The following MIIP variants were observed in gnomAD, a reference collection of about 807,000 sequenced individuals.
The protein encoded by MIIP is migration and invasion-inhibitory protein.
MIIP carries 44 observed loss-of-function variants against 44.8 expected under a neutral mutation model. The ratio of observed to expected loss-of-function variants is 0.98; its 90% CI spans 0.77 to 1.26. The LOEUF is 1.26. Ranked by LOEUF, MIIP falls within the 50% of genes most tolerant of loss-of-function variation. The pLI is 0.00. For missense variants in MIIP, 496 were observed against 511.7 expected (o/e 0.97, Z 0.30); for synonymous variants, 225 against 218.3 (o/e 1.03, Z -0.27).
Position 12,030,958 on chromosome 1 carries a change from G to A in MIIP, c.943-308G>A, listed in dbSNP as rs114755998. On this transcript the variant is annotated intron_variant, in intron 8 of 9. Transcript: ENST00000235332. ...AGCGCCATCCTCAGGGATGTTGGTGGTGAGGTGGGGCTGTTGAGTGAAGCA... is the reference window on the plus strand; with the variant it reads ...AGCGCCATCCTCAGGGATGTTGGTGATGAGGTGGGGCTGTTGAGTGAAGCA... Among the ~76,000 whole-genome samples, 1,412 of 152,202 alleles carry A rather than the reference G, an allele frequency of 9.3e-3. 25 individuals are homozygous for A. The highest frequency in any genetic ancestry group is 0.032 in the African/African-American group (1,320 of 41,516).
chr1:12,030,337 G>C (rs1232384171), intron 8 of MIIP, among the ~76,000 whole-genome samples: 1 of 152,146 alleles, frequency 6.6e-6, no homozygotes, highest in African/African-American at 2.4e-5. Flanking sequence ...AGGGTGATCT[G>C]CCTGCAGGCT....
chr1:12,021,899 C>A, intron 2 of MIIP, 59 bp downstream of exon 2: 1 of 1,426,604 alleles, frequency 7.0e-7, no homozygotes, highest in South Asian at 1.3e-5. Flanking sequence ...AGGCCAGCAT[C>A]CAGGCTTCTG....
chr1:12,019,765 C>G lies in MIIP; in HGVS notation c.-83+213C>G, dbSNP rs6690995. ...GCGTCGCTTTCCCGGTGTCTCCGCT[C>G]AGCTTTTCCCTTTCCAAAGCGCGGC... is the stretch of plus-strand genomic sequence containing the variant. On this transcript the variant is annotated intron_variant, in intron 1 of 9. Transcript: ENST00000235332. Among the ~76,000 whole-genome samples, 671 of 152,400 alleles carry G rather than the reference C, an allele frequency of 4.4e-3. 5 individuals carry two copies. Among genetic ancestry groups the G allele is most frequent in the Middle Eastern group, 0.01 (3 of 294 alleles).
chr1:12,029,677 G>A, intron 6 of MIIP, 88 bp from the exon 7 acceptor site: 1 of 1,526,210 alleles, frequency 6.6e-7, no homozygotes, highest in Non-Finnish European at 8.9e-7. Context: ...GGCAGCTTGT[G>A]TGGTTGGGGG....
At chr1:12,025,028 C>CTTTTTTTTT (rs147513513) in intron 4 of MIIP, among the ~76,000 whole-genome samples, 42 of 123,866 alleles carry the variant, frequency 3.4e-4, no homozygotes, top group Non-Finnish European at 3.8e-4. Flanking sequence ...AATTCCCTTC[C>CTTTTTTTTT]TTTTTTTTTT....
chr1:12,026,200 G>C (rs1429089923), intron 4 of MIIP, among the ~76,000 whole-genome samples: 1 of 152,122 alleles, frequency 6.6e-6, no homozygotes, highest in African/African-American at 2.4e-5. Flanking sequence ...AGCTACTCAG[G>C]ACGCTGAGGC....
Position 12,031,930 on chromosome 1 carries a change from A to G in MIIP, c.*122A>G. The G allele has an allele frequency of 5.1e-6, 5 of 988,108 alleles. No individual in the cohort carries two copies. The highest frequency in any genetic ancestry group is 1.6e-5 in the South Asian group (1 of 63,742). The allele number at this position is 988,108 out of a possible 1,614,324, so 61.2% of individuals were successfully genotyped here. On this transcript the variant is annotated 3_prime_UTR_variant, in exon 10 of 10. Coordinates refer to ENST00000235332, the MANE Select transcript of MIIP (RefSeq NM_021933.4). ...CAGGCCCAGCTGTCCTAGGTTGGGC[A>G]GGTGGGTGGACCCAAGCTTGTCTGC...
chr1:12,023,528 C>G (rs1032437695), intron 4 of MIIP, among the ~76,000 whole-genome samples: 3 of 151,616 alleles, frequency 2.0e-5, no homozygotes, highest in Non-Finnish European at 2.9e-5. Flanking sequence ...CTCAGCCTCC[C>G]GAGTAGCTGG....
intron 2 of MIIP, 118 bp downstream of exon 2, chr1:12,021,958 G>A: frequency 8.1e-7 from 1 of 1,240,680 alleles, no homozygotes; most frequent in South Asian, 1.4e-5. Context: ...GGACATTGAG[G>A]GCTGGGGAGG....
Position 12,029,760 on chromosome 1 carries a change from C to A in MIIP, c.716-5C>A. On this transcript the variant is annotated splice_polypyrimidine_tract_variant and splice_region_variant and intron_variant, in intron 6 of 9. Coordinates refer to ENST00000235332, the MANE Select transcript of MIIP (RefSeq NM_021933.4). Reference sequence around the variant, plus strand: ...GAGAGCTGTGGCTTCTCATGGGCCTCGCAGGCGTGTACTGTTACCGTGTCA... The same window carrying A: ...GAGAGCTGTGGCTTCTCATGGGCCTAGCAGGCGTGTACTGTTACCGTGTCA... 6.2e-7 allele frequency: 1 copy of A among 1,607,908 alleles called. No individual in the cohort carries two copies. The highest frequency in any genetic ancestry group is 8.5e-7 in the Non-Finnish European group (1 of 1,175,482).
intron 8 of MIIP, among the ~76,000 whole-genome samples, chr1:12,030,349 G>T (rs1050501875): frequency 6.6e-6 from 1 of 152,096 alleles, no homozygotes; most frequent in Non-Finnish European, 1.5e-5. Flanking sequence ...CTGCAGGCTG[G>T]CATGACATGA....
chr1:12,021,739 G>A lies in MIIP; in HGVS notation c.13G>A (p.Glu5Lys), dbSNP rs748834145. Residue 5 changes from glutamate (E) to lysine (K), a missense_variant, in exon 2 of 10, where the codon GAG becomes AAG. Physicochemically the swap from Glu to Lys is moderately conservative, Grantham distance 56 (BLOSUM62 1). Coordinates refer to ENST00000235332, the MANE Select transcript of MIIP (RefSeq NM_021933.4). ...AGAGAGGCCCAGGATGGTGGAGGCT[G>A]AGGAACTGGCACAGCTGCGGCTGCT... MVEA[E>K]ELAQLRLLNL... 1.2e-6 allele frequency: 2 copies of A among 1,612,624 alleles called. No homozygotes were observed. The highest frequency in any genetic ancestry group is 2.2e-5 in the East Asian group (1 of 44,866).
chr1:12,021,348 T>G (rs1384316659), intron 1 of MIIP, among the ~76,000 whole-genome samples: 1 of 149,436 alleles, frequency 6.7e-6, no homozygotes, highest in Non-Finnish European at 1.5e-5. Flanking sequence ...GAGCCGAGAT[T>G]GCGCCACTGC....
At chr1:12,027,259 C>T (rs1640123254) in intron 4 of MIIP, among the ~76,000 whole-genome samples, 1 of 152,202 alleles carries the variant, frequency 6.6e-6, no homozygotes, top group Admixed American at 6.5e-5. Flanking sequence ...ATCTGCCCGC[C>T]TTGGCCTCCC....
At chr1:12,019,984 G>A (rs1639935720) in intron 1 of MIIP, among the ~76,000 whole-genome samples, 1 of 152,234 alleles carries the variant, frequency 6.6e-6, no homozygotes, top group African/African-American at 2.4e-5. Flanking sequence ...GGTAATATAC[G>A]TGTGTGGGGG....
chr1:12,030,310 C>T (rs1278578210), intron 8 of MIIP, among the ~76,000 whole-genome samples, 186 bp downstream of exon 8: 1 of 152,178 alleles, frequency 6.6e-6, no homozygotes, highest in Non-Finnish European at 1.5e-5. Flanking sequence ...CCCCGCTCCA[C>T]GTACCCCGGT....
At chr1:12,030,246 A>G in intron 8 of MIIP, 122 bp downstream of exon 8, 1 of 907,494 alleles carries the variant, frequency 1.1e-6, no homozygotes, top group African/African-American at 1.6e-5. Flanking sequence ...AAGTCTCTGG[A>G]GCACAGCCTG....
At chr1:12,026,116 G>A (rs1363660833) in intron 4 of MIIP, among the ~76,000 whole-genome samples, 1 of 151,884 alleles carries the variant, frequency 6.6e-6, no homozygotes, top group Non-Finnish European at 1.5e-5. Context: ...ACCAGCCTGA[G>A]CATCGTGGTG....
At chr1:12,024,846 A>T (rs1640067113) in intron 4 of MIIP, among the ~76,000 whole-genome samples, 1 of 151,914 alleles carries the variant, frequency 6.6e-6, no homozygotes, top group Non-Finnish European at 1.5e-5. Flanking sequence ...AATTACTCCC[A>T]TTCCCCCTCC....
Sources: allele counts gnomAD v4.1 joint callset (sites outside exome capture counted in the v4.1 genomes callset), GRCh38; gene constraint gnomAD v4.1.1; transcripts MANE v1.5; gene names NCBI Gene and HGNC (gene_info 2026-07-23, HGNC 2026-07-21).